The following PBX1 variants were observed in gnomAD, a reference collection of about 807,000 sequenced individuals.
PBX1 encodes PBX homeobox 1, also known as pre-B-cell leukemia transcription factor 1.
A neutral mutation model predicts 53.4 loss-of-function variants in PBX1; 6 were observed. The ratio of observed to expected loss-of-function variants is 0.11; its 90% CI spans 0.06 to 0.22. The LOEUF is 0.22. PBX1 is among the 10% of genes least tolerant of loss of function. The pLI, the probability that PBX1 is intolerant of heterozygous loss-of-function variation, is 1.00. For missense variants in PBX1, 251 were observed against 551.4 expected, an observed-to-expected ratio of 0.46 and a Z score of 5.46; for synonymous variants, 204 against 212.3, an observed-to-expected ratio of 0.96 and a Z score of 0.34.
chr1:164,820,026 G>A, intron 6 of PBX1, 46 bp from the exon 7 acceptor site: 2 of 1,216,076 alleles, frequency 1.6e-6, no homozygotes, highest in South Asian at 2.5e-5. Context: ...CGGGGTTTGA[G>A]CCTTTTCCTT....
intron 8 of PBX1, among the ~76,000 whole-genome samples, chr1:164,831,798 A>T (rs1166997792): frequency 2.0e-5 from 3 of 152,170 alleles, no homozygotes; most frequent in Non-Finnish European, 4.4e-5. Context: ...TGTCCACAGA[A>T]TAGTCTGTTC....
At chr1:164,777,928 A>G (rs1023763477) in intron 2 of PBX1, among the ~76,000 whole-genome samples, 1 of 152,212 alleles carries the variant, frequency 6.6e-6, no homozygotes, top group Non-Finnish European at 1.5e-5. Flanking sequence ...GGTTTTTTGC[A>G]GGAAAAAGAA....
chr1:164,761,029 A>G (rs1415825833), intron 2 of PBX1, among the ~76,000 whole-genome samples: 1 of 152,072 alleles, frequency 6.6e-6, no homozygotes, highest in Non-Finnish European at 1.5e-5. Flanking sequence ...GCCTGCCCCC[A>G]CCCATCTTTT....
chr1:164,722,616 C>T (rs1283684265), intron 2 of PBX1, among the ~76,000 whole-genome samples: 3 of 152,168 alleles, frequency 2.0e-5, no homozygotes, highest in African/African-American at 2.4e-5. Context: ...TCTCCCTCTC[C>T]TCCTCTCTCT....
intron 2 of PBX1, among the ~76,000 whole-genome samples, chr1:164,608,609 A>T (rs1010047410): frequency 1.3e-5 from 2 of 152,248 alleles, no homozygotes; most frequent in Non-Finnish European, 2.9e-5. Flanking sequence ...AGAGATATTT[A>T]TTACTAAAAA....
intron 3 of PBX1, among the ~76,000 whole-genome samples, chr1:164,796,663 G>C (rs1668802589): frequency 1.3e-5 from 2 of 152,172 alleles, no homozygotes; most frequent in Admixed American, 1.3e-4. Context: ...CCTTATACAA[G>C]ACTTTTGAAA....
intron 2 of PBX1, among the ~76,000 whole-genome samples, chr1:164,640,187 G>A (rs571150763): frequency 2.6e-5 from 4 of 152,306 alleles, no homozygotes; most frequent in African/African-American, 9.6e-5. Context: ...AGGTGGGTCA[G>A]TAGGGTTGGA....
chr1:164,735,334 T>C (rs1324495310), intron 2 of PBX1, among the ~76,000 whole-genome samples: 1 of 152,252 alleles, frequency 6.6e-6, no homozygotes, highest in Admixed American at 6.5e-5. Context: ...ATGTTTTTGC[T>C]GTCGCAGATT....
At chr1:164,764,346 T>A (rs1666952548) in intron 2 of PBX1, among the ~76,000 whole-genome samples, 2 of 152,144 alleles carry the variant, frequency 1.3e-5, no homozygotes, top group Admixed American at 1.3e-4. Flanking sequence ...CAGGAAGGAT[T>A]TTGTGTGTAT....
At chr1:164,596,448 T>C (rs1184940046) in intron 2 of PBX1, among the ~76,000 whole-genome samples, 1 of 152,252 alleles carries the variant, frequency 6.6e-6, no homozygotes, top group Non-Finnish European at 1.5e-5. Context: ...AGAGCAGTGG[T>C]TCTAACCATG....
chr1:164,650,960 C>CAG (rs1659773744), intron 2 of PBX1, among the ~76,000 whole-genome samples: 2 of 86,848 alleles, frequency 2.3e-5, no homozygotes, highest in Admixed American at 2.8e-4. Flanking sequence ...TGATGTTGCT[C>CAG]AGAAAAAAAA....
At chr1:164,680,649 C>T (rs1661705559) in intron 2 of PBX1, 2 of 152,054 alleles carry the variant, frequency 1.3e-5, no homozygotes, top group African/African-American at 2.4e-5. Context: ...TATTATTTTA[C>T]AAAAAAATGC....
chr1:164,712,429 C>T (rs1663849852), intron 2 of PBX1, among the ~76,000 whole-genome samples: 1 of 152,184 alleles, frequency 6.6e-6, no homozygotes, highest in Non-Finnish European at 1.5e-5. Context: ...TGGCTGATAA[C>T]AGGCTGTTAG....
At chr1:164,583,160 A>G (rs572832733) in intron 2 of PBX1, among the ~76,000 whole-genome samples, 1 of 152,332 alleles carries the variant, frequency 6.6e-6, no homozygotes, top group East Asian at 1.9e-4. Context: ...GATAATTGCT[A>G]CATGATAGAA....
At chr1:164,754,391 T>C (rs1329282334) in intron 2 of PBX1, among the ~76,000 whole-genome samples, 1 of 152,250 alleles carries the variant, frequency 6.6e-6, no homozygotes, top group Non-Finnish European at 1.5e-5. Flanking sequence ...TTCTGTCAGA[T>C]ACATCACAAC....
chr1:164,825,584 A>T (rs1670417290), intron 8 of PBX1, among the ~76,000 whole-genome samples: 2 of 152,180 alleles, frequency 1.3e-5, no homozygotes, highest in Admixed American at 1.3e-4. Flanking sequence ...TGTCTTTAAG[A>T]TCCAAAAATA....
intron 8 of PBX1, among the ~76,000 whole-genome samples, chr1:164,827,163 A>G (rs1472014936): frequency 2.6e-5 from 4 of 152,186 alleles, no homozygotes; most frequent in African/African-American, 9.7e-5. Context: ...TTTCTTAACT[A>G]TTTCTGAGAG....
At chr1:164,788,215 G>A (rs1668300739) in intron 2 of PBX1, among the ~76,000 whole-genome samples, 1 of 152,138 alleles carries the variant, frequency 6.6e-6, no homozygotes, top group African/African-American at 2.4e-5. Flanking sequence ...CATCTCTGGT[G>A]TCCTGGCGAA....
At chr1:164,704,402 A>G (rs1390712860) in intron 2 of PBX1, among the ~76,000 whole-genome samples, 3 of 152,214 alleles carry the variant, frequency 2.0e-5, no homozygotes, top group Non-Finnish European at 4.4e-5. Context: ...TTTAAAGTTT[A>G]TTGAACAAGA....
Sources: gnomAD v4.1 joint callset for allele counts (sites outside exome capture counted in the v4.1 genomes callset) on GRCh38, gnomAD v4.1.1 for gene constraint, MANE v1.5 for transcripts, NCBI Gene and HGNC (gene_info 2026-07-23, HGNC 2026-07-21) for gene names.